Variants in LDB2 observed in about 807,000 individuals in gnomAD.
LDB2 encodes LIM domain-binding protein 2.
LDB2 carries 12 observed loss-of-function variants against 44.3 expected under a neutral mutation model. The ratio of observed to expected loss-of-function variants is 0.27; its 90% CI spans 0.17 to 0.44. LDB2 has a LOEUF of 0.44. Ranked by LOEUF, LDB2 falls within the 20% of genes least tolerant of loss-of-function variation. The pLI is 1.00. For missense variants in LDB2, 344 were observed against 473.5 expected (o/e 0.73, Z 2.54); for synonymous variants, 164 against 174.8 (o/e 0.94, Z 0.49).
At chr4:16,596,599 T>G (rs948817790) in intron 2 of LDB2, among the ~76,000 whole-genome samples, 1 of 152,196 alleles carries the variant, frequency 6.6e-6, no homozygotes, top group Admixed American at 6.5e-5. Flanking sequence ...CATCTCCATA[T>G]ACAAAGAGAT....
At chr4:16,700,644 C>T (rs1456754340) in intron 2 of LDB2, among the ~76,000 whole-genome samples, 1 of 152,156 alleles carries the variant, frequency 6.6e-6, no homozygotes, top group Non-Finnish European at 1.5e-5. Flanking sequence ...AGAAGCCAGA[C>T]CCTGTGGTGA....
chr4:16,551,807 G>A (rs949338212), intron 5 of LDB2, among the ~76,000 whole-genome samples: 7 of 152,206 alleles, frequency 4.6e-5, no homozygotes, highest in South Asian at 2.1e-4. Context: ...GTGAGCCGCC[G>A]CACCCGACCA....
intron 1 of LDB2, among the ~76,000 whole-genome samples, chr4:16,778,262 C>T (rs1772397855): frequency 6.6e-6 from 1 of 152,112 alleles, no homozygotes; most frequent in South Asian, 2.1e-4. Flanking sequence ...ACCATCAAAC[C>T]ACTCCTCATG....
chr4:16,761,434 C>T (rs1303667236), intron 1 of LDB2, among the ~76,000 whole-genome samples: 2 of 152,194 alleles, frequency 1.3e-5, no homozygotes, highest in Non-Finnish European at 2.9e-5. Flanking sequence ...TTGTGCAGAC[C>T]TGCAGCCAGG....
At chr4:16,706,172 T>G (rs1475756770) in intron 2 of LDB2, among the ~76,000 whole-genome samples, 2 of 152,148 alleles carry the variant, frequency 1.3e-5, no homozygotes, top group Non-Finnish European at 2.9e-5. Context: ...GTTAAGTCCT[T>G]GAGATATGGT....
At position 16,576,233 on chromosome 4, in the gene LDB2, G is replaced by C. The variant is rs114553574; in HGVS notation, c.615+9689C>G. ...CAAAATTTCTAGAAGAAATAACAAA[G>C]ATCAGAGCAGGAATCAATGAAATTA... On this transcript the variant is annotated intron_variant, in intron 5 of 7. Coordinates refer to ENST00000304523, the MANE Select transcript of LDB2 (RefSeq NM_001290.5). Among the ~76,000 whole-genome samples, 517 of 151,918 alleles carry C rather than the reference G, an allele frequency of 3.4e-3. 3 individuals are homozygous for C. The highest frequency in any genetic ancestry group is 0.012 in the African/African-American group (498 of 41,416).
At chr4:16,582,000 GGGAAGGAAGGAAGGAA>G (rs35585551) in intron 5 of LDB2, among the ~76,000 whole-genome samples, 71 of 103,900 alleles carry the variant, frequency 6.8e-4, no homozygotes, top group South Asian at 4.1e-3. Context: ...AGGGAAGGAA[GGGAAGGAAGGAAGGAA>G]GGAAGGAAGG....
chr4:16,797,556 T>C (rs1776970970), intron 1 of LDB2, among the ~76,000 whole-genome samples: 1 of 152,164 alleles, frequency 6.6e-6, no homozygotes, highest in Non-Finnish European at 1.5e-5. Flanking sequence ...ATTTTGAGTA[T>C]TCCCAAATTA....
intron 5 of LDB2, among the ~76,000 whole-genome samples, chr4:16,579,565 T>C (rs1212417953): frequency 2.0e-5 from 3 of 152,170 alleles, no homozygotes; most frequent in Non-Finnish European, 4.4e-5. Context: ...TCTGAGTATT[T>C]AAGTGGGAAT....
chr4:16,630,438 C>A (rs1289374306), intron 2 of LDB2, among the ~76,000 whole-genome samples: 13 of 152,208 alleles, frequency 8.5e-5, no homozygotes, highest in South Asian at 2.1e-4. Flanking sequence ...CTGAAGAAAG[C>A]ACTAAACATG....
intron 2 of LDB2, among the ~76,000 whole-genome samples, chr4:16,619,803 T>A (rs1264440073): frequency 6.6e-6 from 1 of 151,974 alleles, no homozygotes; most frequent in African/African-American, 2.4e-5. Flanking sequence ...TCTGTTTTTT[T>A]TTTTTTTTCT....
At chr4:16,721,729 C>T (rs1038834175) in intron 2 of LDB2, among the ~76,000 whole-genome samples, 1 of 152,120 alleles carries the variant, frequency 6.6e-6, no homozygotes, top group Non-Finnish European at 1.5e-5. Flanking sequence ...GAGGAAGTCT[C>T]CTTGTCTCAT....
At chr4:16,681,695 C>A (rs1369583283) in intron 2 of LDB2, among the ~76,000 whole-genome samples, 1 of 133,376 alleles carries the variant, frequency 7.5e-6, no homozygotes, top group Non-Finnish European at 1.5e-5. Context: ...GATGGGACTG[C>A]ACTGGGCTGG....
chr4:16,540,775 C>T (rs1733491196), intron 5 of LDB2, among the ~76,000 whole-genome samples: 1 of 152,106 alleles, frequency 6.6e-6, no homozygotes, highest in Non-Finnish European at 1.5e-5. Context: ...GACCCCAAGT[C>T]AGGTTTATTA....
At chr4:16,537,071 G>T (rs1400415446) in intron 5 of LDB2, among the ~76,000 whole-genome samples, 2 of 152,188 alleles carry the variant, frequency 1.3e-5, no homozygotes, top group African/African-American at 4.8e-5. Flanking sequence ...GCCTGTGTGT[G>T]TGGCTGAGTG....
intron 2 of LDB2, among the ~76,000 whole-genome samples, chr4:16,710,990 G>T (rs1185506004): frequency 7.9e-5 from 12 of 152,162 alleles, no homozygotes; most frequent in Admixed American, 7.9e-4. Flanking sequence ...CAAATCTAAG[G>T]TATTCTTAGC....
intron 2 of LDB2, among the ~76,000 whole-genome samples, chr4:16,713,645 A>T (rs1470378328): frequency 5.9e-5 from 9 of 152,180 alleles, no homozygotes; most frequent in Non-Finnish European, 1.0e-4. Flanking sequence ...ATGTAGTAGA[A>T]AACCCTAATG....
intron 1 of LDB2, among the ~76,000 whole-genome samples, chr4:16,769,521 C>T (rs1770157597): frequency 6.6e-6 from 1 of 151,870 alleles, no homozygotes; most frequent in Admixed American, 6.6e-5. Flanking sequence ...CTCTCGAACT[C>T]CTGACCTCAG....
intron 2 of LDB2, among the ~76,000 whole-genome samples, chr4:16,652,998 T>G (rs1215120032): frequency 6.6e-6 from 1 of 152,176 alleles, no homozygotes; most frequent in African/African-American, 2.4e-5. Context: ...TCACATTAAT[T>G]TATGCCACTT....
Sources: allele counts gnomAD v4.1 joint callset (sites outside exome capture counted in the v4.1 genomes callset), GRCh38; gene constraint gnomAD v4.1.1; transcripts MANE v1.5; gene names NCBI Gene and HGNC (gene_info 2026-07-23, HGNC 2026-07-21).